Variants in TCFL5 observed in about 807,000 individuals in gnomAD.
TCFL5 encodes transcription factor-like 5 protein.
In TCFL5, 9 loss-of-function variants were observed where a neutral mutation model predicts 44.3. The observed-to-expected ratio is 0.20, with a 90% CI of 0.12 to 0.35. The LOEUF (loss-of-function observed/expected upper bound fraction) is 0.35. Among genes scored for constraint, TCFL5 ranks in the 10% least tolerant of loss-of-function variants. The pLI, the probability that TCFL5 is intolerant of heterozygous loss-of-function variation, is 1.00. For missense variants in TCFL5, 603 were observed against 613.4 expected, an observed-to-expected ratio of 0.98 and a Z score of 0.18; for synonymous variants, 319 against 271.6, an observed-to-expected ratio of 1.17 and a Z score of -1.72.
At chr20:62,852,886 A>G in intron 5 of TCFL5, 1 of 1,289,578 alleles carries the variant, frequency 7.8e-7, no homozygotes, top group Non-Finnish European at 1.0e-6. Context: ...ATAGTCACCC[A>G]GTCTGCAGAA....
intron 5 of TCFL5, among the ~76,000 whole-genome samples, chr20:62,847,973 C>A: frequency 7.3e-6 from 1 of 137,734 alleles, no homozygotes; most frequent in Non-Finnish European, 1.6e-5. Context: ...AAGCGCCGGG[C>A]AGCCGGGCAG....
Position 62,841,752 on chromosome 20 carries a change from G to A in TCFL5, c.*223C>T. The A allele has an allele frequency of 2.7e-6, 1 of 374,908 alleles. No individual in the cohort carries two copies. Among genetic ancestry groups the A allele is most frequent in the Middle Eastern group, 7.2e-4 (1 of 1,396 alleles). 23.2% of individuals were successfully genotyped at this position (374,908 alleles called of 1,614,324 possible). On this transcript the variant is annotated 3_prime_UTR_variant, in exon 6 of 6. Coordinates refer to ENST00000335351, the MANE Select transcript of TCFL5 (RefSeq NM_006602.4). ...TTAATTATTACTAATTATTAAGATG[G>A]CTTCATCCCCAAATGGTCTAAGAGG... is the stretch of plus-strand genomic sequence containing the variant.
chr20:62,859,024 C>T (rs1184263632), intron 3 of TCFL5, among the ~76,000 whole-genome samples: 1 of 152,194 alleles, frequency 6.6e-6, no homozygotes, highest in East Asian at 1.9e-4. Flanking sequence ...GACTGCCTCA[C>T]TCATCGAGTA....
intron 5 of TCFL5, chr20:62,845,022 T>C (rs1442532258): frequency 5.1e-6 from 5 of 985,976 alleles, no homozygotes; most frequent in Non-Finnish European, 6.0e-6. Context: ...ATTCCACCCA[T>C]CCACTTTTAA....
In TCFL5 at chr20:62,861,034, C is replaced by T. The variant is rs918918782; in HGVS notation, c.637G>A (p.Ala213Thr). 131 of 994,448 alleles carry T rather than the reference C, an allele frequency of 1.3e-4. No individual in the cohort carries two copies. Among genetic ancestry groups the T allele is most frequent in the Middle Eastern group, 5.1e-4 (1 of 1,976 alleles). The allele number at this position is 994,448 out of a possible 1,614,324, so 61.6% of individuals were successfully genotyped here. Reference sequence around the variant, plus strand: ...CCGCCGGGCACGCACTTGTTGAGCGCCCCGCCCGGCTCGGGGGGCTCGGGG... The same window carrying T: ...CCGCCGGGCACGCACTTGTTGAGCGTCCCGCCCGGCTCGGGGGGCTCGGGG... ...RGPEPPEPGG[A>T]LNNLVTLIRH... Residue 213 changes from alanine (A) to threonine (T), a missense_variant, in exon 1 of 6, where the codon GCG becomes ACG. Physicochemically the swap from Ala to Thr is moderately conservative, Grantham distance 58. Transcript: ENST00000335351. This position sits in a 1 kb window ranked among gnomAD's most constrained non-coding sequence, Gnocchi z 4.0.
In TCFL5 at chr20:62,861,600, C is replaced by A; in HGVS notation, c.71G>T (p.Gly24Val). The A allele has an allele frequency of 9.7e-7, 1 of 1,031,784 alleles. No homozygotes were observed. 63.9% of individuals were successfully genotyped at this position (1,031,784 alleles called of 1,614,324 possible). A position where few individuals can be genotyped will look rare whatever the true frequency, so the allele number is the denominator to read the frequency against. The change falls in exon 1 of 6, where the codon GGC becomes GTC. Residue 24 changes from glycine to valine, a missense_variant. Physicochemically the swap from Gly to Val is moderately radical, Grantham distance 109 (BLOSUM62 -3). Transcript: ENST00000335351. This position sits in a 1 kb window ranked among gnomAD's most constrained non-coding sequence, Gnocchi z 4.0. ...GAAGGEAAVE[G>V]AGGGDAALGE... is the part of the protein sequence containing the mutation. Reference sequence around the variant, plus strand: ...CAGCGCCGCGTCCCCGCCGCCCGCGCCCTCGACGGCCGCCTCGCCGCCTGC... The same window carrying A: ...CAGCGCCGCGTCCCCGCCGCCCGCGACCTCGACGGCCGCCTCGCCGCCTGC...
chr20:62,843,135 C>G (rs2063698543), intron 5 of TCFL5, among the ~76,000 whole-genome samples: 1 of 152,194 alleles, frequency 6.6e-6, no homozygotes, highest in Non-Finnish European at 1.5e-5. Context: ...CCCTTTTCAA[C>G]AAATGAACGG....
At chr20:62,858,995 C>T (rs2063942082) in intron 3 of TCFL5, among the ~76,000 whole-genome samples, 1 of 152,216 alleles carries the variant, frequency 6.6e-6, no homozygotes, top group Admixed American at 6.5e-5. Context: ...TATCCAAAGG[C>T]TTTCGGCAGA....
chr20:62,852,304 C>CTG lies in TCFL5; in HGVS notation c.1380+1710_1380+1711dup, dbSNP rs546370091. 1.5e-4 allele frequency: 147 copies of CTG among 950,698 alleles called. No individual in the cohort carries two copies. In the African/African-American group the frequency reaches 2.6e-3, roughly 17 times the overall value. 58.9% of individuals were successfully genotyped at this position (950,698 alleles called of 1,614,324 possible). On this transcript the variant is annotated intron_variant, in intron 5 of 5. Coordinates refer to ENST00000335351, the MANE Select transcript of TCFL5 (RefSeq NM_006602.4). ...GCCACTGACCCTGGCCACTGCAACGCTGAGGCCGGGACCTGGAACTCGGGT... is the reference window on the plus strand; with the variant it reads ...GCCACTGACCCTGGCCACTGCAACGCTGTGAGGCCGGGACCTGGAACTCGGGT...
chr20:62,857,345 A>C (rs1407421153), intron 4 of TCFL5, 50 bp downstream of exon 4: 1 of 1,601,294 alleles, frequency 6.2e-7, no homozygotes, highest in African/African-American at 1.4e-5. Flanking sequence ...ACCATGTATG[A>C]CTAAGGTAAT....
intron 5 of TCFL5, among the ~76,000 whole-genome samples, chr20:62,847,374 T>C (rs1024283749): frequency 2.0e-5 from 3 of 151,798 alleles, no homozygotes; most frequent in South Asian, 2.1e-4. Context: ...AAGGAAATAA[T>C]AGAAATAAGG....
intron 5 of TCFL5, 60 bp downstream of exon 5, chr20:62,853,956 G>A (rs1253024927): frequency 6.4e-7 from 1 of 1,573,994 alleles, no homozygotes; most frequent in Non-Finnish European, 8.7e-7. Context: ...TAGGAAAAAG[G>A]AGGGACATTG....
chr20:62,856,046 C>T (rs1021920718), intron 4 of TCFL5, among the ~76,000 whole-genome samples: 1 of 151,560 alleles, frequency 6.6e-6, no homozygotes, highest in Non-Finnish European at 1.5e-5. Context: ...GTCAGGAGTT[C>T]GAGACCAACC....
rs564436359 is a variant in TCFL5 at position 62,851,524 on chromosome 20, C to G, written c.1380+2492G>C. On this transcript the variant is annotated intron_variant, in intron 5 of 5. Coordinates refer to ENST00000335351, the MANE Select transcript of TCFL5 (RefSeq NM_006602.4). ...ACACAAAAGCTTTATTTTATCAAAACAAATCAACAGTCTACCTCTAACAAT... is the reference window on the plus strand; with the variant it reads ...ACACAAAAGCTTTATTTTATCAAAAGAAATCAACAGTCTACCTCTAACAAT... The G allele has an allele frequency of 6.1e-6, 6 of 985,202 alleles. No homozygotes were observed. The African/African-American group carries it at 1.0e-4, about 17-fold the overall frequency. 61.0% of individuals were successfully genotyped at this position (985,202 alleles called of 1,614,324 possible). A position where few individuals can be genotyped will look rare whatever the true frequency, so the allele number is the denominator to read the frequency against.
At chr20:62,843,585 T>C (rs371889839) in intron 5 of TCFL5, among the ~76,000 whole-genome samples, 2 of 152,204 alleles carry the variant, frequency 1.3e-5, no homozygotes, top group East Asian at 3.8e-4. Flanking sequence ...TCCAGGTTTA[T>C]ACAGTTTTTA....
rs1356276070 is a variant in TCFL5, at chr20:62,861,671, G to GGCGGC, written c.-6_-2dup. 3.4e-5 allele frequency: 22 copies of GGCGGC among 647,326 alleles called. No individual in the cohort carries two copies. Among genetic ancestry groups the GGCGGC allele is most frequent in the Admixed American group, 6.5e-5 (1 of 15,344 alleles). The allele number at this position is 647,326 out of a possible 1,614,324, so 40.1% of individuals were successfully genotyped here. ...GCTCCCGCGGTCCGGGGCCCGACATGGCGGCGCGGCGCGGCCCAACGGCGG... is the reference window on the plus strand; with the variant it reads ...GCTCCCGCGGTCCGGGGCCCGACATGGCGGCGCGGCGCGGCGCGGCCCAACGGCGG... On this transcript the variant is annotated 5_prime_UTR_variant, in exon 1 of 6. Coordinates refer to ENST00000335351, the MANE Select transcript of TCFL5 (RefSeq NM_006602.4). The surrounding 1 kb of genome is among the most constrained non-coding windows in gnomAD (Gnocchi z 4.0).
chr20:62,844,876 G>A (rs531781280), intron 5 of TCFL5: 339 of 985,090 alleles, frequency 3.4e-4, no homozygotes, highest in Middle Eastern at 5.2e-4. Context: ...GATTACAGGC[G>A]GGAGCCACGG....
At chr20:62,854,194 C>T (rs373488374) in intron 4 of TCFL5, 37 bp from the exon 5 acceptor site, 20 of 1,606,838 alleles carry the variant, frequency 1.2e-5, no homozygotes, top group East Asian at 2.2e-5. Context: ...CGAGAGAGAC[C>T]GGAGCAAAAC....
rs2294996 is a variant in TCFL5, at chr20:62,857,433, T to C, written c.1200A>G (p.Gln400=). The C allele has an allele frequency of 0.26, 420,420 of 1,613,998 alleles. 56,436 individuals carry two copies. Among genetic ancestry groups the C allele is most frequent in the Middle Eastern group, 0.28 (1,700 of 6,062 alleles). The change falls in exon 4 of 6, where the codon CAA becomes CAG. Residue 400 remains glutamine, a synonymous_variant. Transcript: ENST00000335351. ...AQSGPQGGRS[Q]RRERHNRMER... is the part of the protein sequence containing the mutation. ...CCATTCGGTTATGCCTCTCCCTACGTTGAGACCTTCCTCCCTGGGGCCCAC... is the reference window on the plus strand; with the variant it reads ...CCATTCGGTTATGCCTCTCCCTACGCTGAGACCTTCCTCCCTGGGGCCCAC...
Sources: allele counts gnomAD v4.1 joint callset (sites outside exome capture counted in the v4.1 genomes callset), GRCh38; gene constraint gnomAD v4.1.1; non-coding constraint Gnocchi (gnomAD v3.1); transcripts MANE v1.5; gene names NCBI Gene and HGNC (gene_info 2026-07-23, HGNC 2026-07-21).